The following TPD52L1 variants were observed in gnomAD, a reference collection of about 807,000 sequenced individuals.
TPD52L1 encodes TPD52 like 1, also known as tumor protein D53.
Under a neutral mutation model 28.7 loss-of-function variants are expected in TPD52L1, and 18 were observed. That is an observed-to-expected ratio of 0.63 (90% CI 0.43 to 0.93). The LOEUF is 0.93. TPD52L1 is among the 40% of genes least tolerant of loss of function. TPD52L1 has a pLI of 0.00. For missense variants in TPD52L1, 203 were observed against 254.8 expected, an observed-to-expected ratio of 0.80 and a Z score of 1.39; for synonymous variants, 75 against 88.8, an observed-to-expected ratio of 0.84 and a Z score of 0.88.
At chr6:125,238,633 G>A (rs768680651) in intron 3 of TPD52L1, among the ~76,000 whole-genome samples, 31 of 151,812 alleles carry the variant, frequency 2.0e-4, no homozygotes, top group African/African-American at 6.1e-4. Flanking sequence ...GAGTTACTTC[G>A]GTCTCCAACT....
intron 1 of TPD52L1, among the ~76,000 whole-genome samples, chr6:125,207,230 G>C (rs1045932817): frequency 1.3e-5 from 2 of 152,160 alleles, no homozygotes; most frequent in African/African-American, 2.4e-5. Context: ...TCTTGAGTGG[G>C]ATTGGGAGAT....
chr6:125,237,323 C>T (rs976041492), intron 3 of TPD52L1, among the ~76,000 whole-genome samples: 3 of 152,172 alleles, frequency 2.0e-5, no homozygotes, highest in Admixed American at 6.5e-5. Context: ...GCAAGAGCCC[C>T]GGTGAGTGAT....
chr6:125,158,483 T>A (rs1160786710), intron 1 of TPD52L1, among the ~76,000 whole-genome samples: 1 of 152,198 alleles, frequency 6.6e-6, no homozygotes, highest in East Asian at 1.9e-4. Context: ...TAATTTTATC[T>A]TGTTTCAGGA....
chr6:125,253,941 C>G (rs1797434270), intron 5 of TPD52L1, 186 bp downstream of exon 5: 4 of 763,636 alleles, frequency 5.2e-6, no homozygotes, highest in Non-Finnish European at 9.6e-6. Flanking sequence ...GACATCCTGG[C>G]TTAAATCTAG....
chr6:125,219,893 CTTGGTATTCT>C, intron 1 of TPD52L1, 175 bp from the exon 2 acceptor site: 1 of 640,208 alleles, frequency 1.6e-6, no homozygotes, highest in South Asian at 1.6e-5. Flanking sequence ...TTTTTGGCTT[CTTGGTATTCT>C]TTGCTTTCTT....
intron 1 of TPD52L1, among the ~76,000 whole-genome samples, chr6:125,190,445 C>T (rs1792957041): frequency 6.6e-6 from 1 of 152,060 alleles, no homozygotes. Context: ...AGCAGCAGTC[C>T]CTAACCTTTT....
Position 125,172,548 on chromosome 6 carries a change from A to G in TPD52L1, c.19+18578A>G, listed in dbSNP as rs1258556611. On this transcript the variant is annotated intron_variant, in intron 1 of 6. Coordinates refer to ENST00000534000, the MANE Select transcript of TPD52L1 (RefSeq NM_003287.4). The stretch of plus-strand genomic sequence containing the variant: ...TATATATATATATATATATATATAT[A>G]TATAATATATATACTATATGGCATG... Among the ~76,000 whole-genome samples, 6 of 100,766 alleles carry G rather than the reference A, an allele frequency of 6.0e-5. No homozygotes were observed. In the South Asian group the frequency reaches 1.9e-3, roughly 31 times the overall value. The allele number at this position is 100,766 out of a possible 152,430, so 66.1% of individuals were successfully genotyped here.
intron 1 of TPD52L1, among the ~76,000 whole-genome samples, chr6:125,164,245 A>G (rs1268403995): frequency 6.6e-6 from 1 of 152,220 alleles, no homozygotes; most frequent in African/African-American, 2.4e-5. Flanking sequence ...TTCATTTCAT[A>G]TGTGGGCAGG....
intron 3 of TPD52L1, among the ~76,000 whole-genome samples, chr6:125,235,131 T>TAATAATAATAAA (rs1200773296): frequency 1.3e-4 from 19 of 149,904 alleles, no homozygotes; most frequent in South Asian, 4.2e-4. Context: ...ATAATAATAA[T>TAATAATAATAAA]AAAACACCAA....
chr6:125,165,092 A>ATATATATATATATATT, intron 1 of TPD52L1, among the ~76,000 whole-genome samples: 21 of 104,200 alleles, frequency 2.0e-4, no homozygotes, highest in East Asian at 4.8e-4. Context: ...AAAGATATAT[A>ATATATATATATATATT]TATATATTTT....
intron 3 of TPD52L1, among the ~76,000 whole-genome samples, chr6:125,239,695 T>C (rs1796501186): frequency 6.6e-6 from 1 of 152,138 alleles, no homozygotes; most frequent in African/African-American, 2.4e-5. Flanking sequence ...TTGTTCTTGC[T>C]GATTTGTTTG....
intron 6 of TPD52L1, among the ~76,000 whole-genome samples, chr6:125,257,571 G>A (rs529920450): frequency 3.7e-4 from 57 of 152,278 alleles, no homozygotes; most frequent in Non-Finnish European, 5.9e-4. Context: ...TGGGGACTAC[G>A]TATCCACTAC....
At chr6:125,165,035 C>G (rs1790782002) in intron 1 of TPD52L1, among the ~76,000 whole-genome samples, 2 of 127,174 alleles carry the variant, frequency 1.6e-5, no homozygotes, top group South Asian at 4.9e-4. Context: ...ACCACTTGAG[C>G]TCCAGAGTTC....
intron 3 of TPD52L1, among the ~76,000 whole-genome samples, chr6:125,233,471 C>G (rs1167130814): frequency 6.6e-6 from 1 of 152,084 alleles, no homozygotes. Flanking sequence ...ATGTACACAC[C>G]CAATCTCTCA....
intron 4 of TPD52L1, among the ~76,000 whole-genome samples, chr6:125,251,262 G>T (rs995770066): frequency 3.0e-4 from 45 of 152,198 alleles, no homozygotes; most frequent in African/African-American, 1.0e-3. Flanking sequence ...TGTCATATTA[G>T]TCTACATTTT....
chr6:125,209,510 T>C (rs1270159998), intron 1 of TPD52L1, among the ~76,000 whole-genome samples: 1 of 152,218 alleles, frequency 6.6e-6, no homozygotes, highest in African/African-American at 2.4e-5. Flanking sequence ...TCTATGCATG[T>C]AGAGAATGTT....
At position 125,226,823 on chromosome 6, in the gene TPD52L1, G is replaced by A. The variant is rs530081452; in HGVS notation, c.136-2295G>A. On this transcript the variant is annotated intron_variant, in intron 2 of 6. Coordinates refer to ENST00000534000, the MANE Select transcript of TPD52L1 (RefSeq NM_003287.4). ...AAGAGATACAACCATGAGAAATATTGGGCAGCAGATTAAATGGAGGAGGAC... is the reference window on the plus strand; with the variant it reads ...AAGAGATACAACCATGAGAAATATTAGGCAGCAGATTAAATGGAGGAGGAC... 1.2e-4 allele frequency among the ~76,000 whole-genome samples: 18 copies of A among 152,112 alleles called. No homozygotes were observed. The South Asian group carries it at 3.7e-3, about 32-fold the overall frequency.
chr6:125,190,140 A>T (rs1212048602), intron 1 of TPD52L1, among the ~76,000 whole-genome samples: 1 of 152,198 alleles, frequency 6.6e-6, no homozygotes, highest in African/African-American at 2.4e-5. Flanking sequence ...TGCCACTGGA[A>T]ATAGTTTCTG....
chr6:125,185,172 C>T (rs1358772336), intron 1 of TPD52L1, among the ~76,000 whole-genome samples: 1 of 152,080 alleles, frequency 6.6e-6, no homozygotes, highest in Non-Finnish European at 1.5e-5. Context: ...TTTTTAAAAA[C>T]TGTCACAATG....
Sources: gnomAD v4.1 joint callset for allele counts (sites outside exome capture counted in the v4.1 genomes callset) on GRCh38, gnomAD v4.1.1 for gene constraint, MANE v1.5 for transcripts, NCBI Gene and HGNC (gene_info 2026-07-23, HGNC 2026-07-21) for gene names.